The following ANXA8 variants were observed in gnomAD, a reference collection of about 807,000 sequenced individuals.
ANXA8 encodes annexin A8.
Under a neutral mutation model 26.8 loss-of-function variants are expected in ANXA8, and 9 were observed. The observed-to-expected ratio is 0.34, with a 90% CI of 0.20 to 0.59. The LOEUF (loss-of-function observed/expected upper bound fraction) is 0.59, where lower values mean the gene tolerates loss of function less well. Among genes scored for constraint, ANXA8 ranks in the 20% least tolerant of loss-of-function variants. The pLI is 0.84. For missense variants in ANXA8, 83 were observed against 238.5 expected, an observed-to-expected ratio of 0.35 and a Z score of 4.29; for synonymous variants, 39 against 94.8, an observed-to-expected ratio of 0.41 and a Z score of 3.42.
chr10:47,953,342 AC>A, the ANXA8 span, among the ~76,000 whole-genome samples: 1 of 150,110 alleles, frequency 6.7e-6, no homozygotes, highest in Non-Finnish European at 1.5e-5. Flanking sequence ...AAAAAGATGC[AC>A]TGCAGCATTA....
chr10:47,761,921 A>AT, the ANXA8 span, among the ~76,000 whole-genome samples: 3 of 133,480 alleles, frequency 2.2e-5, no homozygotes, highest in African/African-American at 8.3e-5. Context: ...TGCCCTTGGG[A>AT]TTCTGGCTTA....
the ANXA8 span, among the ~76,000 whole-genome samples, chr10:47,695,978 T>G: frequency 6.6e-6 from 1 of 151,796 alleles, no homozygotes. Flanking sequence ...ATGCCTTATA[T>G]TCAGATATAT....
At chr10:47,643,586 ATT>A in the ANXA8 span, among the ~76,000 whole-genome samples, 9 of 148,118 alleles carry the variant, frequency 6.1e-5, no homozygotes, top group South Asian at 1.9e-3. Context: ...TCATTGCATT[ATT>A]TTTAAAAAAT....
the ANXA8 span, among the ~76,000 whole-genome samples, chr10:47,498,494 A>G: frequency 2.5e-4 from 36 of 143,218 alleles, no homozygotes; most frequent in Admixed American, 2.6e-3. Flanking sequence ...CTTGCTTTCA[A>G]TTATTTTGGC....
chr10:47,575,224 A>C, the ANXA8 span, among the ~76,000 whole-genome samples: 72 of 141,840 alleles, frequency 5.1e-4, no homozygotes, highest in African/African-American at 1.5e-3. Context: ...AAAAAGAAAG[A>C]AAGCAAGCAA....
chr10:47,710,681 G>GAGCA, the ANXA8 span: 7 of 971,514 alleles, frequency 7.2e-6, no homozygotes, highest in South Asian at 9.5e-5. Context: ...TGGGGTCCTG[G>GAGCA]AGCAGCCTGG....
chr10:47,600,448 A>G, the ANXA8 span, among the ~76,000 whole-genome samples: 4 of 148,066 alleles, frequency 2.7e-5, no homozygotes, highest in Non-Finnish European at 5.9e-5. Context: ...GATGTTGGAT[A>G]GTGACTTGAG....
chr10:47,688,023 C>G, the ANXA8 span, among the ~76,000 whole-genome samples: 1 of 151,682 alleles, frequency 6.6e-6, no homozygotes, highest in Non-Finnish European at 1.5e-5. Context: ...TTGCTTGAAC[C>G]TGGGAGACAG....
the ANXA8 span, among the ~76,000 whole-genome samples, chr10:47,873,363 T>TC: frequency 0.19 from 22,028 of 114,264 alleles, 2,454 homozygotes; most frequent in African/African-American, 0.39. Context: ...TTGCCTTGTT[T>TC]TTCCCATTGC....
At chr10:47,672,652 G>GA in the ANXA8 span, among the ~76,000 whole-genome samples, 256 of 152,012 alleles carry the variant, frequency 1.7e-3, 4 homozygotes, top group African/African-American at 5.9e-3. Context: ...GACAATGGAA[G>GA]AAGAGTAGAG....
At chr10:47,654,468 T>G in the ANXA8 span, among the ~76,000 whole-genome samples, 1 of 136,666 alleles carries the variant, frequency 7.3e-6, no homozygotes, top group Non-Finnish European at 1.5e-5. Context: ...AAGGAAGGAG[T>G]GATCTGAGAG....
At chr10:47,918,369 G>A in the ANXA8 span, among the ~76,000 whole-genome samples, 122 of 17,758 alleles carry the variant, frequency 6.9e-3, 2 homozygotes, top group African/African-American at 0.028. Flanking sequence ...GAGAGAGAGA[G>A]AGAGAGAGAG....
At chr10:47,953,804 T>C in the ANXA8 span, among the ~76,000 whole-genome samples, 115 of 151,020 alleles carry the variant, frequency 7.6e-4, 12 homozygotes, top group East Asian at 0.021. Context: ...CTCAACATCA[T>C]TGATTGTCAG....
the ANXA8 span, among the ~76,000 whole-genome samples, chr10:47,744,639 A>G: frequency 6.6e-6 from 1 of 151,886 alleles, no homozygotes; most frequent in Non-Finnish European, 1.5e-5. Context: ...CTAGGCAAAT[A>G]TCACAATCCG....
chr10:47,939,359 C>T, the ANXA8 span, among the ~76,000 whole-genome samples: 1 of 141,882 alleles, frequency 7.0e-6, no homozygotes, highest in Non-Finnish European at 1.5e-5. Context: ...CGATTTGGGT[C>T]CTTGCAATAC....
At chr10:47,655,674 T>C in the ANXA8 span, among the ~76,000 whole-genome samples, 1 of 152,054 alleles carries the variant, frequency 6.6e-6, no homozygotes, top group Middle Eastern at 3.4e-3. Context: ...GTTTATGAAG[T>C]AGAGACAACG....
At chr10:47,665,244 G>A in the ANXA8 span, among the ~76,000 whole-genome samples, 7 of 148,414 alleles carry the variant, frequency 4.7e-5, no homozygotes, top group African/African-American at 5.2e-5. Context: ...AAGAAGTCAG[G>A]GACATTATGG....
chr10:47,572,925 G>A, the ANXA8 span, among the ~76,000 whole-genome samples: 2 of 151,072 alleles, frequency 1.3e-5, 1 homozygote. Flanking sequence ...ATCATTATAT[G>A]TTTGTGATTT....
chr10:47,676,154 G>T, the ANXA8 span, among the ~76,000 whole-genome samples: 1 of 151,578 alleles, frequency 6.6e-6, no homozygotes, highest in Non-Finnish European at 1.5e-5. Context: ...GAAAAAGTCA[G>T]GGAGGGGTAG....
Sources: allele counts gnomAD v4.1 joint callset (sites outside exome capture counted in the v4.1 genomes callset), GRCh38; gene constraint gnomAD v4.1.1; transcripts MANE v1.5; gene names NCBI Gene and HGNC (gene_info 2026-07-23, HGNC 2026-07-21).